The following EXOC6B variants were observed in gnomAD, a reference collection of about 807,000 sequenced individuals.
EXOC6B encodes exocyst complex component 6B.
In EXOC6B, 54 loss-of-function variants were observed where a neutral mutation model predicts 113.5. The observed-to-expected ratio is 0.48, with a 90% CI of 0.38 to 0.60. The LOEUF (loss-of-function observed/expected upper bound fraction) is 0.60, where lower values mean the gene tolerates loss of function less well. Ranked by LOEUF, EXOC6B falls within the 20% of genes least tolerant of loss-of-function variation. The probability of loss-of-function intolerance (pLI) is 0.00; values close to 1 mark genes in which losing one functional copy is unlikely to be tolerated. For synonymous variants in EXOC6B, 357 were observed against 339.0 expected, an observed-to-expected ratio of 1.05 and a Z score of -0.58; for missense variants, 797 against 977.5, an observed-to-expected ratio of 0.82 and a Z score of 2.46.
rs905861510 is a variant in EXOC6B at position 72,743,756 on chromosome 2, G to C, written c.114-2287C>G. On this transcript the variant is annotated intron_variant, in intron 1 of 21. Coordinates refer to ENST00000272427, the MANE Select transcript of EXOC6B (RefSeq NM_015189.3). ...TCTTTGATTTCTGACATTTGTTCAA[G>C]AAATACTCATTTGCTCATTGCCAAC... Among the ~76,000 whole-genome samples the C allele has an allele frequency of 5.3e-5, 8 of 152,250 alleles. No individual in the cohort carries two copies. The South Asian group carries it at 6.2e-4, about 12-fold the overall frequency.
rs994841256 is a variant in EXOC6B at position 72,465,040 on chromosome 2, C to T, written c.1980+120G>A. The T allele has an allele frequency of 3.6e-5, 27 of 757,708 alleles. 1 individual carries two copies. Among genetic ancestry groups the T allele is most frequent in the East Asian group, 3.5e-4 (13 of 37,406 alleles). The allele number at this position is 757,708 out of a possible 1,614,324, so 46.9% of individuals were successfully genotyped here. A position where few individuals can be genotyped will look rare whatever the true frequency, so the allele number is the denominator to read the frequency against. ...ATTAAAGGTTAATAAATATAGCATG[C>T]GCCTTTATATACTGAAAATCTTCCT... On this transcript the variant is annotated intron_variant, in intron 18 of 21. Transcript: ENST00000272427.
intron 6 of EXOC6B, among the ~76,000 whole-genome samples, chr2:72,647,711 A>G (rs1457629240): frequency 6.6e-6 from 1 of 152,236 alleles, no homozygotes; most frequent in South Asian, 2.1e-4. Flanking sequence ...TGGTGCTGGG[A>G]AAACTGGCTA....
intron 6 of EXOC6B, among the ~76,000 whole-genome samples, chr2:72,637,682 G>A (rs886241391): frequency 1.3e-5 from 2 of 151,904 alleles, no homozygotes; most frequent in Non-Finnish European, 1.5e-5. Context: ...CCCAGCTACT[G>A]GGGAGGCTGA....
intron 1 of EXOC6B, among the ~76,000 whole-genome samples, chr2:72,780,714 G>C (rs563898447): frequency 6.6e-6 from 1 of 152,214 alleles, no homozygotes; most frequent in South Asian, 2.1e-4. Context: ...AAATTTCATT[G>C]AGTAGATGAC....
intron 20 of EXOC6B, among the ~76,000 whole-genome samples, chr2:72,293,489 G>C (rs955173598): frequency 6.6e-6 from 1 of 152,100 alleles, no homozygotes; most frequent in Non-Finnish European, 1.5e-5. Flanking sequence ...TGTTTCATTA[G>C]ATGAATAATT....
intron 7 of EXOC6B, among the ~76,000 whole-genome samples, chr2:72,563,371 C>T (rs1703995404): frequency 6.6e-6 from 1 of 152,102 alleles, no homozygotes; most frequent in Non-Finnish European, 1.5e-5. Context: ...CGTTTCAATA[C>T]ATGATTCTTA....
At chr2:72,451,669 T>G (rs936776308) in intron 18 of EXOC6B, among the ~76,000 whole-genome samples, 1 of 151,736 alleles carries the variant, frequency 6.6e-6, no homozygotes, top group Non-Finnish European at 1.5e-5. Flanking sequence ...TGTGTGTGTG[T>G]GTGTGTGTGT....
intron 17 of EXOC6B, among the ~76,000 whole-genome samples, chr2:72,477,978 A>T (rs1305744077): frequency 6.6e-6 from 1 of 151,686 alleles, no homozygotes; most frequent in Non-Finnish European, 1.5e-5. Flanking sequence ...AAGTGAGGAG[A>T]CTCACTTTTT....
At chr2:72,398,123 C>G (rs944426774) in intron 18 of EXOC6B, among the ~76,000 whole-genome samples, 1 of 152,134 alleles carries the variant, frequency 6.6e-6, no homozygotes, top group African/African-American at 2.4e-5. Context: ...AGTACACTGC[C>G]CTTTCTGATG....
intron 6 of EXOC6B, among the ~76,000 whole-genome samples, chr2:72,706,818 G>A (rs769238543): frequency 3.3e-5 from 5 of 152,108 alleles, no homozygotes; most frequent in African/African-American, 4.8e-5. Context: ...GAGTATAGCT[G>A]TCTTGCAATT....
chr2:72,461,038 A>T (rs1409862688), intron 18 of EXOC6B, among the ~76,000 whole-genome samples: 1 of 151,982 alleles, frequency 6.6e-6, no homozygotes, highest in Non-Finnish European at 1.5e-5. Flanking sequence ...ATAAAAAATG[A>T]TGAGTTCATG....
intron 8 of EXOC6B, among the ~76,000 whole-genome samples, chr2:72,521,389 G>A (rs1365005806): frequency 1.3e-5 from 2 of 152,052 alleles, no homozygotes; most frequent in Non-Finnish European, 2.9e-5. Context: ...CAGCACAAAT[G>A]GACTAAGACA....
intron 20 of EXOC6B, among the ~76,000 whole-genome samples, chr2:72,270,316 TC>T (rs1176124855): frequency 3.3e-5 from 5 of 152,116 alleles, no homozygotes; most frequent in African/African-American, 1.2e-4. Flanking sequence ...TCTCAGGGGA[TC>T]CTGAGCAGGT....
At chr2:72,550,012 G>T (rs891477256) in intron 8 of EXOC6B, among the ~76,000 whole-genome samples, 1 of 152,042 alleles carries the variant, frequency 6.6e-6, no homozygotes, top group African/African-American at 2.4e-5. Context: ...AAATATACAG[G>T]GTTGATGAGA....
Position 72,628,014 on chromosome 2 carries a change from G to T in EXOC6B, c.670-52346C>A, listed in dbSNP as rs149016345. Among the ~76,000 whole-genome samples, 923 of 152,248 alleles carry T rather than the reference G, an allele frequency of 6.1e-3. 10 individuals are homozygous for T. Among genetic ancestry groups the T allele is most frequent in the African/African-American group, 0.021 (888 of 41,548 alleles). The stretch of plus-strand genomic sequence containing the variant: ...GTGGAGAAATCACTTTTTAAATGCA[G>T]TTTTAAGCAAACATGGAATTTCCAA... On this transcript the variant is annotated intron_variant, in intron 6 of 21. Coordinates refer to ENST00000272427, the MANE Select transcript of EXOC6B (RefSeq NM_015189.3).
chr2:72,407,098 T>C (rs1046736927), intron 18 of EXOC6B, among the ~76,000 whole-genome samples: 12 of 152,296 alleles, frequency 7.9e-5, no homozygotes, highest in Non-Finnish European at 1.2e-4. Flanking sequence ...TCTATGCAGA[T>C]AAACTAGAAA....
At chr2:72,635,609 T>C (rs1672761863) in intron 6 of EXOC6B, among the ~76,000 whole-genome samples, 1 of 152,182 alleles carries the variant, frequency 6.6e-6, no homozygotes, top group African/African-American at 2.4e-5. Flanking sequence ...ATGGTTTCAA[T>C]AGAGAATTCC....
intron 8 of EXOC6B, among the ~76,000 whole-genome samples, chr2:72,518,582 C>A (rs546086537): frequency 2.0e-5 from 3 of 150,904 alleles, no homozygotes; most frequent in Admixed American, 2.0e-4. Context: ...TTCTAATTGA[C>A]GAATGAGTCA....
At chr2:72,275,864 T>G (rs4852286) in intron 20 of EXOC6B, among the ~76,000 whole-genome samples, 20,098 of 152,056 alleles carry the variant, frequency 0.13, 1,492 homozygotes, top group Admixed American at 0.17. Context: ...TAATTTTTTT[T>G]GGGGGGTGGT....
Sources: allele counts gnomAD v4.1 joint callset (sites outside exome capture counted in the v4.1 genomes callset), GRCh38; gene constraint gnomAD v4.1.1; transcripts MANE v1.5; gene names NCBI Gene and HGNC (gene_info 2026-07-23, HGNC 2026-07-21).